MYBPC1: variants seen among roughly 807,000 people sequenced by gnomAD.
MYBPC1 encodes myosin-binding protein C, slow-type.
MYBPC1 carries 52 observed loss-of-function variants against 147.1 expected under a neutral mutation model. The ratio of observed to expected loss-of-function variants is 0.35; its 90% CI spans 0.28 to 0.45. MYBPC1 has a LOEUF of 0.45. MYBPC1 is among the 20% of genes least tolerant of loss of function. MYBPC1 has a pLI of 1.00. For synonymous variants in MYBPC1, 477 were observed against 475.9 expected (o/e 1.00, Z -0.03); for missense variants, 1,228 against 1,440.3 (o/e 0.85, Z 2.39).
At chr12:101,618,854 CGTGTGTGT>C (rs35811344) in intron 3 of MYBPC1, among the ~76,000 whole-genome samples, 2,108 of 136,864 alleles carry the variant, frequency 0.015, 39 homozygotes, top group African/African-American at 0.051. Context: ...CAAAAACTGC[CGTGTGTGT>C]GTGTGTGTGT....
intron 22 of MYBPC1, 122 bp downstream of exon 22, chr12:101,663,682 A>G: frequency 1.8e-6 from 2 of 1,140,270 alleles, no homozygotes; most frequent in East Asian, 5.1e-5. Flanking sequence ...GATCAAGCCA[A>G]ACGTCATCCT....
At chr12:101,657,930 A>G (rs1033666136) in intron 18 of MYBPC1, among the ~76,000 whole-genome samples, 3 of 152,146 alleles carry the variant, frequency 2.0e-5, no homozygotes, top group Non-Finnish European at 2.9e-5. Flanking sequence ...GGAGATCGAG[A>G]CCATCCTGGC....
intron 19 of MYBPC1, chr12:101,660,042 T>A: frequency 3.3e-6 from 2 of 608,628 alleles, no homozygotes; most frequent in Non-Finnish European, 2.9e-6. Context: ...AAAGTCATAT[T>A]CCCTTTTGGT....
chr12:101,604,187 A>C (rs534889774), intron 1 of MYBPC1, among the ~76,000 whole-genome samples: 10 of 152,298 alleles, frequency 6.6e-5, no homozygotes, highest in African/African-American at 2.4e-4. Flanking sequence ...AACAATGAGA[A>C]GCTATTTGTT....
intron 22 of MYBPC1, 96 bp from the exon 23 acceptor site, chr12:101,667,636 G>A: frequency 2.1e-6 from 3 of 1,400,196 alleles, no homozygotes; most frequent in Non-Finnish European, 3.0e-6. Flanking sequence ...ATTATTATGA[G>A]TAAAATACTA....
chr12:101,682,720 G>A (rs1033562979), intron 30 of MYBPC1, 58 bp downstream of exon 30: 5 of 1,458,850 alleles, frequency 3.4e-6, no homozygotes, highest in Non-Finnish European at 3.8e-6. Flanking sequence ...CCTCTTACAT[G>A]AAAATGCACC....
intron 5 of MYBPC1, among the ~76,000 whole-genome samples, chr12:101,628,845 T>C (rs1465516964): frequency 6.6e-6 from 1 of 152,212 alleles, no homozygotes; most frequent in East Asian, 1.9e-4. Context: ...CTCAGTATCC[T>C]TGTAATTTGT....
intron 29 of MYBPC1, 61 bp downstream of exon 29, chr12:101,680,590 C>A: frequency 6.3e-7 from 1 of 1,585,512 alleles, no homozygotes. Context: ...AATTATTGTT[C>A]TTAATGCTTA....
chr12:101,665,154 T>A (rs1164002766), intron 22 of MYBPC1, among the ~76,000 whole-genome samples: 1 of 152,110 alleles, frequency 6.6e-6, no homozygotes, highest in Non-Finnish European at 1.5e-5. Context: ...TTACAAAATT[T>A]TGCGTGTGGT....
At chr12:101,648,193 A>G in intron 14 of MYBPC1, 43 bp downstream of exon 14, 1 of 1,456,884 alleles carries the variant, frequency 6.9e-7, no homozygotes, top group South Asian at 1.1e-5. Context: ...AATAGACAAA[A>G]AAATTGGACC....
intron 27 of MYBPC1, among the ~76,000 whole-genome samples, chr12:101,677,633 C>G (rs1900287402): frequency 6.6e-6 from 1 of 152,126 alleles, no homozygotes; most frequent in Admixed American, 6.5e-5. Context: ...GGCAGTGGAT[C>G]TATAAATGGC....
intron 31 of MYBPC1, among the ~76,000 whole-genome samples, chr12:101,685,294 T>C (rs1417104216): frequency 1.3e-5 from 2 of 152,186 alleles, no homozygotes; most frequent in African/African-American, 2.4e-5. Flanking sequence ...CAAAGAGCAA[T>C]AAATACTTTC....
intron 1 of MYBPC1, among the ~76,000 whole-genome samples, chr12:101,613,187 G>T (rs193193373): frequency 9.5e-4 from 145 of 152,264 alleles, no homozygotes; most frequent in African/African-American, 3.3e-3. Flanking sequence ...TGGCAGGCCT[G>T]CATTACTGTT....
intron 11 of MYBPC1, among the ~76,000 whole-genome samples, chr12:101,642,858 A>C (rs1892356452): frequency 6.6e-6 from 1 of 152,108 alleles, no homozygotes; most frequent in African/African-American, 2.4e-5. Context: ...CAGCCTCCAC[A>C]TCCCCACTCA....
At chr12:101,681,999 C>A (rs1196735735) in intron 29 of MYBPC1, among the ~76,000 whole-genome samples, 1 of 151,654 alleles carries the variant, frequency 6.6e-6, no homozygotes, top group Admixed American at 6.6e-5. Flanking sequence ...TTTTTCCTCA[C>A]AAATATAAGG....
downstream of MYBPC1, among the ~76,000 whole-genome samples, chr12:101,688,103 T>C (rs1951376724): frequency 6.6e-6 from 1 of 152,174 alleles, no homozygotes; most frequent in Non-Finnish European, 1.5e-5. Context: ...TACCAAAAAT[T>C]CTTTTGGGGA....
chr12:101,617,446 A>G (rs937829096), intron 3 of MYBPC1, among the ~76,000 whole-genome samples: 10 of 152,256 alleles, frequency 6.6e-5, no homozygotes, highest in Non-Finnish European at 1.2e-4. Context: ...TAAAAGAAAA[A>G]CAACAATGAT....
At chr12:101,666,601 G>T in intron 22 of MYBPC1, 3 of 801,698 alleles carry the variant, frequency 3.7e-6, no homozygotes, top group Non-Finnish European at 6.4e-6. Context: ...AACACCGTTT[G>T]GTCTCTTCCG....
intron 11 of MYBPC1, 76 bp downstream of exon 11, chr12:101,642,661 C>T: frequency 6.7e-7 from 1 of 1,495,666 alleles, no homozygotes. Flanking sequence ...AACCCCATCC[C>T]GAGCTCCTTC....
Sources: gnomAD v4.1 joint callset for allele counts (sites outside exome capture counted in the v4.1 genomes callset) on GRCh38, gnomAD v4.1.1 for gene constraint, MANE v1.5 for transcripts, NCBI Gene and HGNC (gene_info 2026-07-23, HGNC 2026-07-21) for gene names.